Variants in NEK1 observed in about 807,000 individuals in gnomAD.
NEK1 encodes the protein serine/threonine-protein kinase Nek1.
A neutral mutation model predicts 182.1 loss-of-function variants in NEK1; 137 were observed. The ratio of observed to expected loss-of-function variants is 0.75; its 90% CI spans 0.65 to 0.87. The LOEUF is 0.87. Ranked by LOEUF, NEK1 falls within the 40% of genes least tolerant of loss-of-function variation. The probability of loss-of-function intolerance (pLI) is 0.00; values close to 1 mark genes in which losing one functional copy is unlikely to be tolerated. For missense variants in NEK1, 1,391 were observed against 1,494.4 expected, an observed-to-expected ratio of 0.93 and a Z score of 1.14; for synonymous variants, 513 against 492.2, an observed-to-expected ratio of 1.04 and a Z score of -0.56.
chr4:169,585,589 T>A, intron 9 of NEK1, 40 bp from the exon 10 acceptor site: 1 of 1,351,652 alleles, frequency 7.4e-7, no homozygotes, highest in Non-Finnish European at 1.0e-6. Flanking sequence ...GAAACATATA[T>A]AAATTGAAAC....
rs201793759 is a variant in NEK1 at position 169,555,831 on chromosome 4, C to G, written c.1451G>C (p.Arg484Pro). Residue 484 changes from arginine (R) to proline (P), a missense_variant, in exon 18 of 36, where the codon CGT becomes CCT. Around this residue, in one of 5 missense-constraint regions of NEK1, gnomAD observed 1,216 missense variants for 1,277.6 expected, o/e 0.95. Transcript: ENST00000507142. ...LPERGILPGV[R>P]PGFPYGAAGH... ...TGCAGCCCCATAAGGAAATCCTGGA[C>G]GAACTCCAGGCAGAATTCCTCTGTA... 2 of 1,613,878 alleles carry G rather than the reference C, an allele frequency of 1.2e-6. No individual in the cohort carries two copies. The highest frequency in any genetic ancestry group is 2.7e-5 in the African/African-American group (2 of 75,030).
chr4:169,498,769 G>T (rs1047502167), intron 23 of NEK1, among the ~76,000 whole-genome samples: 6 of 152,208 alleles, frequency 3.9e-5, no homozygotes, highest in African/African-American at 7.2e-5. Flanking sequence ...TCTGCCTAGA[G>T]ATCAGCTGTT....
rs1131690776 is a variant in NEK1 at position 169,580,883 on chromosome 4, C to T, written c.827G>A (p.Cys276Tyr). Residue 276 changes from cysteine to tyrosine, a missense_variant, in exon 11 of 36, where the codon TGT becomes TAT. Physicochemically the swap from Cys to Tyr is radical, Grantham distance 194 (BLOSUM62 -2). This residue lies in a region of NEK1 where 1,216 missense variants were observed against 1,277.6 expected (regional missense o/e 0.95). Coordinates refer to ENST00000507142, the MANE Select transcript of NEK1 (RefSeq NM_001199397.3). ...TCCAAACTTCGAAAATGTTTTTAGA[C>T]AAAATTCTTCTGCAATAAGCTGAGA... ...LSPQLIAEEF[C>Y]LKTFSKFGSQ... is the part of the protein sequence containing the mutation. The T allele has an allele frequency of 6.5e-7, 1 of 1,529,008 alleles. No homozygotes were observed. The highest frequency in any genetic ancestry group is 1.2e-5 in the South Asian group (1 of 80,748). The allele number at this position is 1,529,008 out of a possible 1,614,324, so 94.7% of individuals were successfully genotyped here.
At chr4:169,469,111 A>C (rs182583450) in intron 26 of NEK1, among the ~76,000 whole-genome samples, 3 of 151,548 alleles carry the variant, frequency 2.0e-5, no homozygotes, top group African/African-American at 4.9e-5. Context: ...TCATGTCTCT[A>C]TCTTCTTTCA....
chr4:169,494,684 C>T (rs1016055260), intron 23 of NEK1, among the ~76,000 whole-genome samples: 15 of 152,200 alleles, frequency 9.9e-5, no homozygotes, highest in Non-Finnish European at 2.1e-4. Flanking sequence ...CTGACTTCCA[C>T]AATGGTTGAA....
chr4:169,557,723 A>G (rs1236122721), intron 16 of NEK1, among the ~76,000 whole-genome samples: 1 of 152,152 alleles, frequency 6.6e-6, no homozygotes. Context: ...GCTTGAGCTC[A>G]GGAGTTCGAG....
rs541703740 is a variant in NEK1, at chr4:169,606,949, T to G, written c.-48-4271A>C. 8.2e-4 allele frequency among the ~76,000 whole-genome samples: 125 copies of G among 152,292 alleles called. 3 individuals are homozygous for G. The South Asian group carries it at 0.025, about 30-fold the overall frequency. On this transcript the variant is annotated intron_variant, in intron 2 of 35. Transcript: ENST00000507142. The stretch of plus-strand genomic sequence containing the variant: ...GTTTCCAAACTGTGCTACAGTACAA[T>G]GGAGCTCAAGTATAAAGCAGCAGTC...
chr4:169,596,605 AG>A (rs1211879175), intron 5 of NEK1, among the ~76,000 whole-genome samples: 1 of 152,200 alleles, frequency 6.6e-6, no homozygotes, highest in Non-Finnish European at 1.5e-5. Context: ...AGATGCAAAC[AG>A]GAAGTATCAC....
At chr4:169,413,404 TTCAAG>T (rs1414571459) in intron 31 of NEK1, among the ~76,000 whole-genome samples, 1 of 151,994 alleles carries the variant, frequency 6.6e-6, no homozygotes, top group Non-Finnish European at 1.5e-5. Context: ...AACTCCTGGG[TTCAAG>T]TGATCCTCCT....
At chr4:169,509,796 T>C (rs1753892095) in intron 19 of NEK1, among the ~76,000 whole-genome samples, 1 of 152,188 alleles carries the variant, frequency 6.6e-6, no homozygotes, top group South Asian at 2.1e-4. Context: ...GTGAATCATT[T>C]ATAATTCTGC....
chr4:169,443,657 T>C (rs1401834789), intron 27 of NEK1, among the ~76,000 whole-genome samples: 2 of 151,692 alleles, frequency 1.3e-5, no homozygotes, highest in Non-Finnish European at 2.9e-5. Flanking sequence ...GTAAGAGATA[T>C]AGACATTCAG....
chr4:169,469,714 T>C (rs559915057), intron 26 of NEK1, among the ~76,000 whole-genome samples: 1 of 152,182 alleles, frequency 6.6e-6, no homozygotes, highest in African/African-American at 2.4e-5. Context: ...ATATTGACAG[T>C]GGGGTGTTAA....
chr4:169,493,249 A>G (rs1750461053), intron 23 of NEK1, among the ~76,000 whole-genome samples: 3 of 152,188 alleles, frequency 2.0e-5, no homozygotes, highest in Admixed American at 2.0e-4. Flanking sequence ...TCGAGCATAC[A>G]CAACATACAT....
chr4:169,427,287 C>A (rs921207343), intron 29 of NEK1, among the ~76,000 whole-genome samples: 4 of 151,796 alleles, frequency 2.6e-5, no homozygotes, highest in Non-Finnish European at 5.9e-5. Context: ...CCACCATGCC[C>A]GGCTAATTTT....
Position 169,537,884 on chromosome 4 carries a change from T to A in NEK1, c.1590A>T (p.Arg530Ser). ...NRQKGQLAVE[R>S]AKQVEEFLQR... ...GCAGGAACTCTTCTACTTGTTTAGC[T>A]CTTTCTACAGCTAGCTGCCCTTTTT... Residue 530 changes from arginine to serine, a missense_variant, in exon 19 of 36, where the codon AGA becomes AGT. Arg to Ser is a moderately radical substitution (Grantham distance 110). Transcript: ENST00000507142. The A allele has an allele frequency of 6.2e-7, 1 of 1,607,342 alleles. No individual in the cohort carries two copies. The highest frequency in any genetic ancestry group is 8.5e-7 in the Non-Finnish European group (1 of 1,176,376).
At chr4:169,492,583 A>G (rs1750317024) in intron 23 of NEK1, among the ~76,000 whole-genome samples, 1 of 152,166 alleles carries the variant, frequency 6.6e-6, no homozygotes, top group Non-Finnish European at 1.5e-5. Context: ...CTGGGTGAGC[A>G]GCTGACTTAG....
chr4:169,595,326 A>G (rs760175339), intron 5 of NEK1, among the ~76,000 whole-genome samples: 1 of 152,194 alleles, frequency 6.6e-6, no homozygotes, highest in Non-Finnish European at 1.5e-5. Context: ...AATTTAATGA[A>G]TAGATGAGGA....
At chr4:169,452,720 A>C (rs1382594517) in intron 27 of NEK1, among the ~76,000 whole-genome samples, 2 of 152,200 alleles carry the variant, frequency 1.3e-5, no homozygotes, top group Non-Finnish European at 2.9e-5. Flanking sequence ...CTGAATGGGC[A>C]AAAACTGGAA....
chr4:169,491,035 T>C (rs10004634), intron 23 of NEK1, among the ~76,000 whole-genome samples: 42,789 of 149,112 alleles, frequency 0.29, 8,537 homozygotes, highest in African/African-American at 0.58. Context: ...CCCAGCTACT[T>C]GGGAGGCTGA....
Sources: gnomAD v4.1 joint callset for allele counts (sites outside exome capture counted in the v4.1 genomes callset) on GRCh38, gnomAD v4.1.1 for gene constraint, gnomAD v4.1.1 regional missense constraint, MANE v1.5 for transcripts, NCBI Gene and HGNC (gene_info 2026-07-23, HGNC 2026-07-21) for gene names.